MESD: variants seen among roughly 807,000 people sequenced by gnomAD.
MESD encodes the protein mesoderm development LRP chaperone.
In MESD, 7 loss-of-function variants were observed where a neutral mutation model predicts 12.9. The ratio of observed to expected loss-of-function variants is 0.54; its 90% CI spans 0.31 to 1.02. MESD has a LOEUF of 1.02. Ranked by LOEUF, MESD falls within the 50% of genes least tolerant of loss-of-function variation. The pLI is 0.05. For missense variants in MESD, 342 were observed against 296.7 expected (o/e 1.15, Z -1.12); for synonymous variants, 126 against 115.6 (o/e 1.09, Z -0.58).
At chr15:80,969,742 C>A (rs948732112) in intron 3 of MESD, among the ~76,000 whole-genome samples, 4 of 152,292 alleles carry the variant, frequency 2.6e-5, no homozygotes, top group Admixed American at 6.5e-5. Flanking sequence ...GTAATCCCAG[C>A]TACTCAGGAG....
In MESD at chr15:80,977,810, G is replaced by C. The variant is rs188867472; in HGVS notation, c.*1409C>G. The C allele has an allele frequency of 8.5e-5, 13 of 152,394 alleles. No individual in the cohort carries two copies. Among genetic ancestry groups the C allele is most frequent in the Admixed American group, 7.8e-4 (12 of 15,300 alleles). 9.4% of individuals were successfully genotyped at this position (152,394 alleles called of 1,614,324 possible). On this transcript the variant is annotated 3_prime_UTR_variant, in exon 3 of 3. Transcript: ENST00000261758. ...CAGGTTCAAGATGCAGGAGGAACAA[G>C]AAAAGCCTCTTTCAGGGCCTAGTAC... is the stretch of plus-strand genomic sequence containing the variant.
chr15:80,981,436 C>CA (rs58445538), intron 2 of MESD, among the ~76,000 whole-genome samples: 886 of 47,832 alleles, frequency 0.019, 22 homozygotes, highest in East Asian at 0.046. Flanking sequence ...GACTCCGTCT[C>CA]AAAAAAAAAA....
At chr15:80,959,217 C>T (rs908572477) in intron 3 of MESD, among the ~76,000 whole-genome samples, 1 of 152,158 alleles carries the variant, frequency 6.6e-6, no homozygotes, top group Non-Finnish European at 1.5e-5. Context: ...TGCATGCCTG[C>T]CATGTGAGAG....
At chr15:80,982,796 T>C (rs894939448) in intron 1 of MESD, among the ~76,000 whole-genome samples, 1 of 152,176 alleles carries the variant, frequency 6.6e-6, no homozygotes, top group African/African-American at 2.4e-5. Context: ...CAAAATTTAT[T>C]GCAGGCCAGG....
chr15:80,965,147 A>G (rs758820522), intron 3 of MESD, among the ~76,000 whole-genome samples: 19 of 152,372 alleles, frequency 1.2e-4, no homozygotes, highest in South Asian at 4.1e-4. Flanking sequence ...TGGGCAGAGG[A>G]TATGAACAGA....
At chr15:80,980,919 G>A (rs1902557525) in intron 2 of MESD, among the ~76,000 whole-genome samples, 1 of 151,456 alleles carries the variant, frequency 6.6e-6, no homozygotes, top group Admixed American at 6.6e-5. Context: ...TGCCTCCCAG[G>A]TTCAAGCGAT....
chr15:80,951,590 T>C (rs1427150944), intron 4 of MESD: 1 of 152,672 alleles, frequency 6.5e-6, no homozygotes, highest in Non-Finnish European at 1.5e-5. Context: ...AGATATATTT[T>C]CTATTTATTT....
downstream of MESD, among the ~76,000 whole-genome samples, chr15:80,972,540 C>T (rs1206563085): frequency 6.6e-6 from 1 of 152,132 alleles, no homozygotes; most frequent in Non-Finnish European, 1.5e-5. Flanking sequence ...AGTACATGCT[C>T]CTAGAAAGGG....
chr15:80,966,545 C>T (rs1336037965), intron 3 of MESD, among the ~76,000 whole-genome samples: 4 of 152,094 alleles, frequency 2.6e-5, no homozygotes, highest in Admixed American at 1.3e-4. Context: ...GAGGTGTGTT[C>T]ACACACACAT....
chr15:80,989,506 G>A, intron 1 of MESD, 73 bp downstream of exon 1: 1 of 1,505,640 alleles, frequency 6.6e-7, no homozygotes, highest in East Asian at 2.3e-5. Context: ...TCCCAAGACA[G>A]AACAGGTAAG....
intron 3 of MESD, among the ~76,000 whole-genome samples, chr15:80,955,045 C>G (rs1487788496): frequency 6.6e-6 from 1 of 151,954 alleles, no homozygotes; most frequent in Non-Finnish European, 1.5e-5. Context: ...ACCTGTAGCC[C>G]CAGCACTTTG....
At chr15:80,963,134 C>A (rs190059705) in intron 3 of MESD, among the ~76,000 whole-genome samples, 2 of 151,990 alleles carry the variant, frequency 1.3e-5, no homozygotes, top group Admixed American at 6.6e-5. Context: ...TAATAAAAAA[C>A]GATAAAGTGG....
chr15:80,967,081 C>T (rs1337506160), intron 3 of MESD, among the ~76,000 whole-genome samples: 1 of 152,128 alleles, frequency 6.6e-6, no homozygotes. Flanking sequence ...CACCTGAGGT[C>T]AGGAGTTCGA....
downstream of MESD, among the ~76,000 whole-genome samples, chr15:80,971,352 A>T (rs1404636981): frequency 6.6e-6 from 1 of 152,228 alleles, no homozygotes; most frequent in African/African-American, 2.4e-5. Context: ...CCTAGAAATG[A>T]CAAAGACCCC....
intron 3 of MESD, chr15:80,952,877 G>T: frequency 2.3e-6 from 1 of 439,852 alleles, no homozygotes; most frequent in South Asian, 1.6e-5. Context: ...CCCCTGCTCT[G>T]TGCCAGGCAC....
exon 4 of MESD, chr15:80,952,212 A>C (rs1901858263): frequency 4.4e-6 from 2 of 456,070 alleles, no homozygotes; most frequent in Non-Finnish European, 8.8e-6. Flanking sequence ...CTGAGGTGGG[A>C]AAAACAGGTC....
intron 3 of MESD, among the ~76,000 whole-genome samples, chr15:80,960,469 G>A (rs937145746): frequency 2.6e-5 from 4 of 151,622 alleles, no homozygotes; most frequent in African/African-American, 9.7e-5. Context: ...GTGGAAAGAA[G>A]GAGTACAAGG....
chr15:80,987,198 C>T lies in MESD; in HGVS notation c.213+2381G>A, dbSNP rs572531238. On this transcript the variant is annotated intron_variant, in intron 1 of 2. Transcript: ENST00000261758. ...CACACCTCTGAGGCACAGCCTCTCA[C>T]TGAAGCACTGTTTCTCACACTGCTG... Among the ~76,000 whole-genome samples, 20 of 152,304 alleles carry T rather than the reference C, an allele frequency of 1.3e-4. 1 individual carries two copies. The East Asian group carries it at 1.9e-3, about 15-fold the overall frequency.
chr15:80,973,543 T>A (rs377576505), downstream of MESD, among the ~76,000 whole-genome samples: 337 of 151,796 alleles, frequency 2.2e-3, 2 homozygotes, highest in African/African-American at 7.7e-3. Context: ...TCAAAAAAAA[T>A]AAATAAATAG....
Sources: allele counts gnomAD v4.1 joint callset (sites outside exome capture counted in the v4.1 genomes callset), GRCh38; gene constraint gnomAD v4.1.1; transcripts MANE v1.5; gene names NCBI Gene and HGNC (gene_info 2026-07-23, HGNC 2026-07-21).